STARD13: variants seen among roughly 807,000 people sequenced by gnomAD.
STARD13 encodes stAR-related lipid transfer protein 13.
Under a neutral mutation model 106.4 loss-of-function variants are expected in STARD13, and 62 were observed. That is an observed-to-expected ratio of 0.58 (90% CI 0.48 to 0.72). The LOEUF is 0.72. STARD13 is among the 30% of genes least tolerant of loss of function. STARD13 has a pLI of 0.00. For missense variants in STARD13, 1,387 were observed against 1,424.0 expected (o/e 0.97, Z 0.42); for synonymous variants, 565 against 553.0 (o/e 1.02, Z -0.31).
the STARD13 span, among the ~76,000 whole-genome samples, chr13:33,603,534 G>A: frequency 2.6e-5 from 4 of 152,072 alleles, no homozygotes; most frequent in African/African-American, 9.7e-5. Flanking sequence ...TCTCTTCCTG[G>A]CTAGGCTTCA....
the STARD13 span, among the ~76,000 whole-genome samples, chr13:33,411,455 T>C: frequency 7.2e-5 from 11 of 152,222 alleles, no homozygotes; most frequent in South Asian, 2.1e-4. Context: ...TGACTTTCCA[T>C]TGGATCTTTA....
the STARD13 span, among the ~76,000 whole-genome samples, chr13:33,528,086 G>A: frequency 6.7e-6 from 1 of 149,532 alleles, no homozygotes; most frequent in Non-Finnish European, 1.5e-5. Flanking sequence ...CAACAAAGTA[G>A]TTTGTGTAAT....
intron 1 of STARD13, among the ~76,000 whole-genome samples, chr13:33,258,524 G>A (rs913966331): frequency 5.3e-5 from 8 of 151,766 alleles, no homozygotes; most frequent in Middle Eastern, 3.5e-3. Context: ...TTGTTTGCAC[G>A]CTCTCTAGCT....
chr13:33,285,046 T>C (rs574451295), intron 1 of STARD13, among the ~76,000 whole-genome samples: 1 of 152,294 alleles, frequency 6.6e-6, no homozygotes, highest in African/African-American at 2.4e-5. Context: ...TCCTCTTCAC[T>C]AAGGATATTC....
the STARD13 span, among the ~76,000 whole-genome samples, chr13:33,445,643 T>G: frequency 6.6e-6 from 1 of 152,258 alleles, no homozygotes; most frequent in East Asian, 1.9e-4. Flanking sequence ...TTTATTTGGC[T>G]CACAGTTCTG....
At chr13:33,605,160 G>T in the STARD13 span, among the ~76,000 whole-genome samples, 1 of 149,748 alleles carries the variant, frequency 6.7e-6, no homozygotes, top group Non-Finnish European at 1.5e-5. Flanking sequence ...GATGGCTTGA[G>T]CTCAGGAGTT....
At chr13:33,378,543 C>G in the STARD13 span, among the ~76,000 whole-genome samples, 37,889 of 152,092 alleles carry the variant, frequency 0.25, 5,473 homozygotes, top group African/African-American at 0.38. Context: ...GTAATCCCAG[C>G]ACTTTGAGAG....
chr13:33,242,552 C>T (rs1373454019), intron 1 of STARD13, among the ~76,000 whole-genome samples: 1 of 152,186 alleles, frequency 6.6e-6, no homozygotes, highest in East Asian at 1.9e-4. Context: ...TTGAAGGCAG[C>T]ATACTCCTTA....
intron 1 of STARD13, among the ~76,000 whole-genome samples, chr13:33,204,004 A>C (rs184024364): frequency 1.3e-5 from 2 of 152,348 alleles, no homozygotes; most frequent in South Asian, 4.1e-4. Context: ...CAAAAGGTTA[A>C]TCATCTTCCT....
chr13:33,488,174 C>T, the STARD13 span, among the ~76,000 whole-genome samples: 2 of 152,072 alleles, frequency 1.3e-5, no homozygotes, highest in African/African-American at 4.8e-5. Context: ...TCTCATTACT[C>T]CTTCCTCTAA....
chr13:33,471,633 G>GTTT, the STARD13 span, among the ~76,000 whole-genome samples: 6 of 124,498 alleles, frequency 4.8e-5, no homozygotes, highest in African/African-American at 1.1e-4. Context: ...TTGGCCCCCT[G>GTTT]TTTTTTTTTT....
chr13:33,560,213 G>A, the STARD13 span, among the ~76,000 whole-genome samples: 12 of 151,476 alleles, frequency 7.9e-5, no homozygotes, highest in Non-Finnish European at 1.8e-4. Flanking sequence ...TTACAAGCAG[G>A]ACATTAAATA....
chr13:33,380,053 AT>A, the STARD13 span, among the ~76,000 whole-genome samples: 1 of 152,332 alleles, frequency 6.6e-6, no homozygotes, highest in Admixed American at 6.5e-5. Flanking sequence ...AGAGTTACTT[AT>A]CAGACAGATG....
intron 1 of STARD13, among the ~76,000 whole-genome samples, chr13:33,260,302 C>T (rs990082241): frequency 2.0e-4 from 30 of 152,336 alleles, no homozygotes; most frequent in African/African-American, 7.2e-4. Flanking sequence ...TAGCATCTTT[C>T]GCACTTATTT....
the STARD13 span, among the ~76,000 whole-genome samples, chr13:33,552,355 G>A: frequency 6.6e-6 from 1 of 152,128 alleles, no homozygotes; most frequent in Non-Finnish European, 1.5e-5. Context: ...AGCACACACA[G>A]ACTGTCCTCC....
chr13:33,247,685 C>A (rs766053765), intron 1 of STARD13, among the ~76,000 whole-genome samples: 20 of 151,974 alleles, frequency 1.3e-4, no homozygotes, highest in Admixed American at 2.0e-4. Context: ...TATTAGATAT[C>A]CCAGTTATAT....
intron 1 of STARD13, among the ~76,000 whole-genome samples, chr13:33,227,731 C>A (rs1434909188): frequency 6.6e-6 from 1 of 151,970 alleles, no homozygotes; most frequent in African/African-American, 2.4e-5. Context: ...AACCTAGATA[C>A]CAAAGACAAA....
Position 33,105,135 on chromosome 13 carries a change from G to T in STARD13, c.*458C>A, listed in dbSNP as rs1427029505. 1 of 157,060 alleles carries T rather than the reference G, an allele frequency of 6.4e-6. No individual in the cohort carries two copies. Among genetic ancestry groups the T allele is most frequent in the East Asian group, 1.8e-4 (1 of 5,422 alleles). The allele number at this position is 157,060 out of a possible 1,614,324, so 9.7% of individuals were successfully genotyped here. Reference sequence around the variant, plus strand: ...CCCAGAGCCACTTGGAAAGAACTGTGTGAGGAAGGGACTCACTGAGTCAGA... The same window carrying T: ...CCCAGAGCCACTTGGAAAGAACTGTTTGAGGAAGGGACTCACTGAGTCAGA... On this transcript the variant is annotated 3_prime_UTR_variant, in exon 14 of 14. Coordinates refer to ENST00000336934, the MANE Select transcript of STARD13 (RefSeq NM_178006.4).
the STARD13 span, among the ~76,000 whole-genome samples, chr13:33,622,406 G>A: frequency 1.3e-5 from 2 of 152,098 alleles, no homozygotes; most frequent in Admixed American, 1.3e-4. Flanking sequence ...GGGAGGCCAA[G>A]GCGGGTGGAT....
Sources: allele counts gnomAD v4.1 joint callset (sites outside exome capture counted in the v4.1 genomes callset), GRCh38; gene constraint gnomAD v4.1.1; transcripts MANE v1.5; gene names NCBI Gene and HGNC (gene_info 2026-07-23, HGNC 2026-07-21).